EXOC6: variants seen among roughly 807,000 people sequenced by gnomAD.
EXOC6 encodes the protein exocyst complex component 6, also known as SEC15-like 1.
EXOC6 carries 60 observed loss-of-function variants against 112.5 expected under a neutral mutation model. The observed-to-expected ratio is 0.53, with a 90% confidence interval of 0.43 to 0.66. The LOEUF is 0.66. Ranked by LOEUF, EXOC6 falls within the 30% of genes least tolerant of loss-of-function variation. The pLI is 0.00. For missense variants in EXOC6, 855 were observed against 957.1 expected (o/e 0.89, Z 1.41); for synonymous variants, 295 against 308.0 (o/e 0.96, Z 0.44).
At chr10:92,973,102 T>C (rs2134084458) in intron 17 of EXOC6, among the ~76,000 whole-genome samples, 1 of 152,346 alleles carries the variant, frequency 6.6e-6, no homozygotes, top group African/African-American at 2.4e-5. Flanking sequence ...AAAGGCTTTT[T>C]GTACTAGGCA....
intron 11 of EXOC6, among the ~76,000 whole-genome samples, chr10:92,934,957 A>G (rs1264929167): frequency 6.6e-6 from 1 of 152,072 alleles, no homozygotes; most frequent in Admixed American, 6.5e-5. Flanking sequence ...TCTGGAAATA[A>G]CAAATATGTT....
chr10:92,868,562 A>G (rs537625244), intron 1 of EXOC6, among the ~76,000 whole-genome samples: 1 of 152,208 alleles, frequency 6.6e-6, no homozygotes, highest in East Asian at 1.9e-4. Context: ...ACAAACAATA[A>G]ATTTCTCTAG....
chr10:92,979,129 A>C (rs938530400), intron 18 of EXOC6, among the ~76,000 whole-genome samples: 4 of 152,072 alleles, frequency 2.6e-5, no homozygotes, highest in Non-Finnish European at 4.4e-5. Context: ...CTGAGTATTT[A>C]GTTTCTGTCA....
At chr10:92,954,006 C>T (rs1056306886) in intron 15 of EXOC6, among the ~76,000 whole-genome samples, 3 of 151,994 alleles carry the variant, frequency 2.0e-5, no homozygotes, top group Admixed American at 6.6e-5. Flanking sequence ...TGGGGCTGGG[C>T]GCGGTGCCTG....
intron 20 of EXOC6, among the ~76,000 whole-genome samples, chr10:93,018,962 C>T (rs1236865068): frequency 6.6e-6 from 1 of 151,918 alleles, no homozygotes; most frequent in African/African-American, 2.4e-5. Context: ...TTCCAGGACT[C>T]TAATTAAAAA....
chr10:92,970,286 C>T (rs778898249), intron 17 of EXOC6, among the ~76,000 whole-genome samples: 5 of 152,198 alleles, frequency 3.3e-5, no homozygotes, highest in Middle Eastern at 6.8e-3. Context: ...GTACAGACTT[C>T]TTTTTCTTGT....
chr10:92,927,040 GA>G (rs1398650422), intron 8 of EXOC6, among the ~76,000 whole-genome samples: 1 of 152,102 alleles, frequency 6.6e-6, no homozygotes, highest in Middle Eastern at 3.2e-3. Context: ...AAAATAATTG[GA>G]AAAAGTTTCG....
At chr10:92,958,297 T>G (rs1853803302) in intron 17 of EXOC6, among the ~76,000 whole-genome samples, 1 of 152,184 alleles carries the variant, frequency 6.6e-6, no homozygotes. Flanking sequence ...GGAAATACCA[T>G]TCCCTTTCTA....
At chr10:92,848,955 G>T (rs910844872) in intron 1 of EXOC6, among the ~76,000 whole-genome samples, 3 of 152,190 alleles carry the variant, frequency 2.0e-5, no homozygotes, top group Admixed American at 6.5e-5. Flanking sequence ...CGGCCCCCGG[G>T]CCCGAGGACA....
chr10:92,842,687 A>G (rs1428708893), intron 1 of EXOC6, among the ~76,000 whole-genome samples: 2 of 151,686 alleles, frequency 1.3e-5, no homozygotes, highest in Admixed American at 6.6e-5. Context: ...CTTGTCTTAT[A>G]AACTGGTGGT....
intron 17 of EXOC6, among the ~76,000 whole-genome samples, chr10:92,965,625 G>A (rs561572894): frequency 9.9e-5 from 15 of 152,110 alleles, no homozygotes; most frequent in Non-Finnish European, 2.1e-4. Context: ...TTACTAAATC[G>A]TTAGTAATCA....
At chr10:92,837,075 T>C (rs2133576836) in intron 1 of EXOC6, among the ~76,000 whole-genome samples, 3 of 148,418 alleles carry the variant, frequency 2.0e-5, no homozygotes, top group South Asian at 4.3e-4. Flanking sequence ...CAGGAATCTT[T>C]AGCCTGAAAT....
intron 1 of EXOC6, among the ~76,000 whole-genome samples, chr10:92,890,766 G>A (rs1849460962): frequency 6.6e-6 from 1 of 152,120 alleles, no homozygotes; most frequent in Non-Finnish European, 1.5e-5. Context: ...CAGTGTTGCT[G>A]GCATGGAATA....
intron 20 of EXOC6, among the ~76,000 whole-genome samples, chr10:93,041,902 G>T (rs1845798931): frequency 6.6e-6 from 1 of 152,098 alleles, no homozygotes; most frequent in South Asian, 2.1e-4. Flanking sequence ...GTAGAGAGAG[G>T]ATTTTACTGT....
chr10:92,851,472 C>A (rs1401345013), intron 1 of EXOC6, among the ~76,000 whole-genome samples: 2 of 151,774 alleles, frequency 1.3e-5, no homozygotes, highest in African/African-American at 4.8e-5. Flanking sequence ...ATGGTGAAAC[C>A]CCGTCCCTAC....
intron 19 of EXOC6, among the ~76,000 whole-genome samples, chr10:93,009,347 G>C (rs1844137758): frequency 6.6e-6 from 1 of 152,136 alleles, no homozygotes; most frequent in African/African-American, 2.4e-5. Context: ...TCCAATACTG[G>C]ATGACATTCC....
chr10:92,871,584 A>G lies in EXOC6; in HGVS notation c.102-21765A>G, dbSNP rs544462574. Among the ~76,000 whole-genome samples, 279 of 151,872 alleles carry G rather than the reference A, an allele frequency of 1.8e-3. 1 individual carries two copies. The highest frequency in any genetic ancestry group is 3.0e-3 in the Non-Finnish European group (205 of 67,984). On this transcript the variant is annotated intron_variant, in intron 1 of 21. Coordinates refer to ENST00000260762, the MANE Select transcript of EXOC6 (RefSeq NM_019053.6). Reference sequence around the variant, plus strand: ...CACTTTGGGAGGCCAAGGCTGGAGGATCACTTGAGTCTAGGAGATCGAGAC... The same window carrying G: ...CACTTTGGGAGGCCAAGGCTGGAGGGTCACTTGAGTCTAGGAGATCGAGAC...
At chr10:92,892,777 A>G (rs951339450) in intron 1 of EXOC6, among the ~76,000 whole-genome samples, 2 of 152,212 alleles carry the variant, frequency 1.3e-5, no homozygotes, top group African/African-American at 2.4e-5. Flanking sequence ...GGTGACTGCA[A>G]TATGGGCTTG....
chr10:92,931,328 T>C (rs959876073), intron 9 of EXOC6, among the ~76,000 whole-genome samples: 5 of 150,830 alleles, frequency 3.3e-5, no homozygotes, highest in African/African-American at 1.2e-4. Context: ...AAACAGAAAA[T>C]AGAACAGAAT....
Sources: gnomAD v4.1 joint callset for allele counts (sites outside exome capture counted in the v4.1 genomes callset) on GRCh38, gnomAD v4.1.1 for gene constraint, MANE v1.5 for transcripts, NCBI Gene and HGNC (gene_info 2026-07-23, HGNC 2026-07-21) for gene names.